KLHL1: variants seen among roughly 807,000 people sequenced by gnomAD.
KLHL1 encodes the protein kelch-like protein 1.
Under a neutral mutation model 77.7 loss-of-function variants are expected in KLHL1, and 47 were observed. The observed-to-expected ratio is 0.60, with a 90% CI of 0.48 to 0.77. The LOEUF is 0.77. Ranked by LOEUF, KLHL1 falls within the 30% of genes least tolerant of loss-of-function variation. The pLI is 0.00. For missense variants in KLHL1, 925 were observed against 910.8 expected (o/e 1.02, Z -0.20); for synonymous variants, 360 against 325.2 (o/e 1.11, Z -1.15).
chr13:69,925,956 G>A (rs923238131), intron 4 of KLHL1, among the ~76,000 whole-genome samples: 5 of 152,108 alleles, frequency 3.3e-5, no homozygotes, highest in Admixed American at 1.3e-4. Flanking sequence ...ACCTCATATA[G>A]CAGCATATCA....
Position 70,107,495 on chromosome 13 carries a change from A to T in KLHL1, c.205T>A (p.Trp69Arg), listed in dbSNP as rs748976886. The change falls in exon 1 of 11, where the codon TGG becomes AGG. Residue 69 changes from tryptophan to arginine, a missense_variant. Transcript: ENST00000377844. ...GAGGAAGAGGAGGAAGGCTTCTTCC[A>T]GAAAGTGCTCACACCGCTTCTCTCT... ...SQERSGVSTF[W>R]KKPSSSSSSS... 4 of 1,613,926 alleles carry T rather than the reference A, an allele frequency of 2.5e-6. No homozygotes were observed. Among genetic ancestry groups the T allele is most frequent in the Non-Finnish European group, 3.4e-6 (4 of 1,179,894 alleles).
chr13:70,063,083 A>T (rs1593713489), intron 1 of KLHL1, among the ~76,000 whole-genome samples: 1 of 152,232 alleles, frequency 6.6e-6, no homozygotes, highest in East Asian at 1.9e-4. Flanking sequence ...TCATAATTGC[A>T]ATTCAGATTC....
At position 69,749,138 on chromosome 13, in the gene KLHL1, C is replaced by A. The variant is rs193056792; in HGVS notation, c.1640-8582G>T. 5.1e-3 allele frequency among the ~76,000 whole-genome samples: 781 copies of A among 152,024 alleles called. 9 individuals are homozygous for A. Among genetic ancestry groups the A allele is most frequent in the Admixed American group, 6.6e-3 (100 of 15,224 alleles). On this transcript the variant is annotated intron_variant, in intron 7 of 10. Transcript: ENST00000377844. ...TGATGATTTCCTTGCAGAATGGGCT[C>A]ATTAGGTAGGGTGAATAATTGGACT...
At chr13:69,780,370 T>C (rs1876079181) in intron 7 of KLHL1, among the ~76,000 whole-genome samples, 1 of 152,080 alleles carries the variant, frequency 6.6e-6, no homozygotes, top group African/African-American at 2.4e-5. Context: ...AGAGAATCCT[T>C]TTAAAGAAAC....
intron 8 of KLHL1, among the ~76,000 whole-genome samples, chr13:69,732,189 C>T (rs749446226): frequency 5.9e-5 from 9 of 151,918 alleles, no homozygotes; most frequent in Non-Finnish European, 1.2e-4. Context: ...TTTTAACTGG[C>T]GAAGGAGACT....
intron 1 of KLHL1, among the ~76,000 whole-genome samples, chr13:70,027,692 T>G (rs1885990519): frequency 7.5e-6 from 1 of 133,122 alleles, no homozygotes; most frequent in Non-Finnish European, 1.6e-5. Context: ...CGCTGTTGTT[T>G]GTCAGCTTGG....
At chr13:69,873,175 T>C (rs1268498840) in intron 5 of KLHL1, among the ~76,000 whole-genome samples, 1 of 152,170 alleles carries the variant, frequency 6.6e-6, no homozygotes, top group African/African-American at 2.4e-5. Context: ...CATGATCAAA[T>C]AGTGAACTAA....
At chr13:70,071,746 A>G (rs913411907) in intron 1 of KLHL1, among the ~76,000 whole-genome samples, 1 of 152,118 alleles carries the variant, frequency 6.6e-6, no homozygotes, top group African/African-American at 2.4e-5. Context: ...TCAATAAGAA[A>G]TTTTAAGGTA....
At position 70,107,809 on chromosome 13, in the gene KLHL1, T is replaced by C. The variant is rs1228251508; in HGVS notation, c.-110A>G. On this transcript the variant is annotated 5_prime_UTR_variant, in exon 1 of 11. Coordinates refer to ENST00000377844, the MANE Select transcript of KLHL1 (RefSeq NM_020866.3). ...GCGGAGGAAGAGGCGGGATGCGCCC[T>C]CTGCACCCCTAGAGCCAGAAGACGC... The C allele has an allele frequency of 5.0e-6, 4 of 794,642 alleles. No homozygotes were observed. In the East Asian group the frequency reaches 8.2e-5, roughly 16 times the overall value. The allele number at this position is 794,642 out of a possible 1,614,324, so 49.2% of individuals were successfully genotyped here. A position where few individuals can be genotyped will look rare whatever the true frequency, so the allele number is the denominator to read the frequency against.
chr13:69,868,747 A>G (rs991053749), intron 5 of KLHL1, among the ~76,000 whole-genome samples: 1 of 152,148 alleles, frequency 6.6e-6, no homozygotes, highest in African/African-American at 2.4e-5. Context: ...GCTTGTTCTC[A>G]CACATGAATA....
At chr13:70,011,172 A>G (rs1885525573) in intron 1 of KLHL1, among the ~76,000 whole-genome samples, 1 of 152,144 alleles carries the variant, frequency 6.6e-6, no homozygotes, top group African/African-American at 2.4e-5. Flanking sequence ...GAAGCTAAGA[A>G]GACTTTGCCA....
intron 1 of KLHL1, among the ~76,000 whole-genome samples, chr13:70,063,385 C>T (rs911123212): frequency 8.5e-5 from 13 of 152,094 alleles, no homozygotes; most frequent in African/African-American, 3.1e-4. Flanking sequence ...ACAGCTTTTA[C>T]AGATTTTAAC....
At chr13:70,040,892 C>A (rs1457655565) in intron 1 of KLHL1, among the ~76,000 whole-genome samples, 1 of 152,124 alleles carries the variant, frequency 6.6e-6, no homozygotes, top group African/African-American at 2.4e-5. Flanking sequence ...TTGTATCCTA[C>A]ATGTCCCTGA....
At chr13:69,896,201 T>C (rs1169851297) in intron 4 of KLHL1, among the ~76,000 whole-genome samples, 2 of 152,200 alleles carry the variant, frequency 1.3e-5, no homozygotes, top group Non-Finnish European at 2.9e-5. Context: ...ATTCTTCTCA[T>C]GATTGGAATC....
At chr13:69,794,139 G>C (rs1300453813) in intron 7 of KLHL1, among the ~76,000 whole-genome samples, 1 of 152,120 alleles carries the variant, frequency 6.6e-6, no homozygotes, top group Non-Finnish European at 1.5e-5. Flanking sequence ...CCACAGATAA[G>C]AAAGAAAATC....
chr13:69,763,453 G>A (rs1337040514), intron 7 of KLHL1, among the ~76,000 whole-genome samples: 1 of 152,182 alleles, frequency 6.6e-6, no homozygotes, highest in Non-Finnish European at 1.5e-5. Flanking sequence ...TGTCCCTGGT[G>A]CACTGTTTTC....
intron 1 of KLHL1, among the ~76,000 whole-genome samples, chr13:70,082,736 G>A (rs1026965797): frequency 2.0e-5 from 3 of 152,134 alleles, no homozygotes; most frequent in African/African-American, 7.2e-5. Context: ...CCTATCAACA[G>A]TGAATTGAAT....
At chr13:69,987,097 C>A (rs901092983) in intron 1 of KLHL1, among the ~76,000 whole-genome samples, 5 of 151,836 alleles carry the variant, frequency 3.3e-5, no homozygotes, top group African/African-American at 1.2e-4. Flanking sequence ...ATCTAAAATA[C>A]CATTTCCTTT....
At chr13:69,855,143 C>G (rs1879836002) in intron 5 of KLHL1, among the ~76,000 whole-genome samples, 1 of 151,858 alleles carries the variant, frequency 6.6e-6, no homozygotes, top group African/African-American at 2.4e-5. Context: ...ATATTGAGAA[C>G]TGAGGAATTG....
Sources: gnomAD v4.1 joint callset for allele counts (sites outside exome capture counted in the v4.1 genomes callset) on GRCh38, gnomAD v4.1.1 for gene constraint, MANE v1.5 for transcripts, NCBI Gene and HGNC (gene_info 2026-07-23, HGNC 2026-07-21) for gene names.